Variants in EVL observed in about 807,000 individuals in gnomAD.
EVL encodes the protein Enah/Vasp-like.
EVL carries 21 observed loss-of-function variants against 59.6 expected under a neutral mutation model. That is an observed-to-expected ratio of 0.35 (90% CI 0.25 to 0.51). The LOEUF is 0.51. Ranked by LOEUF, EVL falls within the 20% of genes least tolerant of loss-of-function variation. The pLI, the probability that EVL is intolerant of heterozygous loss-of-function variation, is 0.97. For missense variants in EVL, 462 were observed against 546.6 expected, an observed-to-expected ratio of 0.85 and a Z score of 1.54; for synonymous variants, 198 against 203.5, an observed-to-expected ratio of 0.97 and a Z score of 0.23.
At chr14:100,042,498 G>A (rs890412486) in intron 1 of EVL, among the ~76,000 whole-genome samples, 3 of 152,140 alleles carry the variant, frequency 2.0e-5, no homozygotes. Context: ...ACTGACAAGC[G>A]CACAGTGGAG....
At chr14:100,032,601 G>A (rs2061330783) in intron 1 of EVL, among the ~76,000 whole-genome samples, 3 of 152,044 alleles carry the variant, frequency 2.0e-5, no homozygotes, top group South Asian at 4.2e-4. Context: ...GGCTCCTTCC[G>A]CTCCAAAAAA....
chr14:100,079,257 C>T (rs1802470920), intron 1 of EVL, among the ~76,000 whole-genome samples: 1 of 152,336 alleles, frequency 6.6e-6, no homozygotes, highest in East Asian at 1.9e-4. Flanking sequence ...GTGACAGATG[C>T]TTTTGCTTGG....
intron 3 of EVL, among the ~76,000 whole-genome samples, chr14:100,100,163 CGTT>C (rs907729303): frequency 3.9e-5 from 6 of 152,216 alleles, no homozygotes; most frequent in Non-Finnish European, 5.9e-5. Context: ...AACAACTTCT[CGTT>C]GTCAGATAGT....
chr14:100,132,800 A>G, intron 8 of EVL, 21 bp downstream of exon 8: 1 of 1,613,538 alleles, frequency 6.2e-7, no homozygotes, highest in Non-Finnish European at 8.5e-7. Context: ...AGCCCGCCCC[A>G]CCCTCAGGCT....
intron 1 of EVL, among the ~76,000 whole-genome samples, chr14:100,070,329 A>G (rs1455441895): frequency 6.6e-6 from 1 of 152,170 alleles, no homozygotes; most frequent in Non-Finnish European, 1.5e-5. Flanking sequence ...TTGTCACTTG[A>G]CGGAGCTTTT....
chr14:100,009,445 T>C (rs1382688011), intron 1 of EVL, among the ~76,000 whole-genome samples: 2 of 152,274 alleles, frequency 1.3e-5, no homozygotes, highest in East Asian at 1.9e-4. Context: ...AGAAATTGCC[T>C]TCCTTTCTTG....
At chr14:100,125,608 T>C (rs1409695478) in intron 4 of EVL, among the ~76,000 whole-genome samples, 1 of 150,200 alleles carries the variant, frequency 6.7e-6, no homozygotes, top group Non-Finnish European at 1.5e-5. Context: ...CGGGCTGGAG[T>C]GTAGTGACGC....
chr14:99,993,685 C>CTTTTTTTTTTTTTTTTT (rs532512303), intron 1 of EVL, among the ~76,000 whole-genome samples: 9 of 78,262 alleles, frequency 1.1e-4, no homozygotes, highest in Non-Finnish European at 1.4e-4. Context: ...TTCTTTCTTT[C>CTTTTTTTTTTTTTTTTT]TTTTTTTTTT....
intron 4 of EVL, among the ~76,000 whole-genome samples, chr14:100,125,169 T>TAC (rs34405834): frequency 0.031 from 3,239 of 103,108 alleles, 356 homozygotes; most frequent in African/African-American, 0.12. Context: ...AAGGCAGGAA[T>TAC]ACACACACAC....
intron 2 of EVL, among the ~76,000 whole-genome samples, chr14:100,089,839 T>C (rs1400183699): frequency 6.6e-6 from 1 of 152,116 alleles, no homozygotes; most frequent in African/African-American, 2.4e-5. Context: ...AGGCTGAAGC[T>C]GGAGGATCAC....
In EVL at chr14:100,077,976, C is replaced by T. The variant is rs576954725; in HGVS notation, c.12-6711C>T. Among the ~76,000 whole-genome samples the T allele has an allele frequency of 1.7e-4, 26 of 152,146 alleles. 1 individual carries two copies. The East Asian group carries it at 2.5e-3, about 15-fold the overall frequency. ...ATTTTTAGTAGAGATGGGGTTTCACCGGTTAGCCAGGATGGTCTCGATCTC... is the reference window on the plus strand; with the variant it reads ...ATTTTTAGTAGAGATGGGGTTTCACTGGTTAGCCAGGATGGTCTCGATCTC... On this transcript the variant is annotated intron_variant, in intron 1 of 13. Coordinates refer to ENST00000392920, the MANE Select transcript of EVL (RefSeq NM_016337.3).
At chr14:100,033,684 G>A (rs561953612) in intron 1 of EVL, among the ~76,000 whole-genome samples, 24 of 152,306 alleles carry the variant, frequency 1.6e-4, no homozygotes, top group African/African-American at 5.5e-4. Flanking sequence ...TACTTTATAT[G>A]CATAAGCATA....
chr14:100,040,508 T>C (rs1207953885), intron 1 of EVL, among the ~76,000 whole-genome samples: 3 of 152,150 alleles, frequency 2.0e-5, no homozygotes, highest in African/African-American at 4.8e-5. Context: ...AAAGCAGCCA[T>C]CTGGGCAGGA....
At chr14:100,143,063 AGAG>A (rs1889288495) in intron 13 of EVL, among the ~76,000 whole-genome samples, 1 of 152,132 alleles carries the variant, frequency 6.6e-6, no homozygotes, top group Non-Finnish European at 1.5e-5. Context: ...GAGTTGACAT[AGAG>A]GAGGGGGAGT....
At position 100,114,173 on chromosome 14, in the gene EVL, G is replaced by T. The variant is rs916006162; in HGVS notation, c.359-9366G>T. Among the ~76,000 whole-genome samples, 4 of 151,704 alleles carry T rather than the reference G, an allele frequency of 2.6e-5. No homozygotes were observed. The highest frequency in any genetic ancestry group is 9.7e-5 in the African/African-American group (4 of 41,306). ...AAGGAGCGAAGCGAAGGAGGGCCGG[G>T]GGGGAATCAAATGAGCCTTACTTCT... On this transcript the variant is annotated intron_variant, in intron 3 of 13. Transcript: ENST00000392920. The surrounding 1 kb of genome is among the most constrained non-coding windows in gnomAD (Gnocchi z 5.0).
Position 100,129,607 on chromosome 14 carries a change from G to T in EVL, c.762G>T (p.Lys254Asn). The T allele has an allele frequency of 1.2e-6, 2 of 1,613,664 alleles. No individual in the cohort carries two copies. Among genetic ancestry groups the T allele is most frequent in the Non-Finnish European group, 1.7e-6 (2 of 1,179,908 alleles). ...SGGSSPSGTS[K>N]SDANRASSGG... Reference sequence around the variant, plus strand: ...GCTCCAGTCCCAGTGGGACCTCAAAGTCCGATGCCAACCGGGCAAGCAGCG... The same window carrying T: ...GCTCCAGTCCCAGTGGGACCTCAAATTCCGATGCCAACCGGGCAAGCAGCG... The change falls in exon 7 of 14, where the codon AAG becomes AAT. Residue 254 changes from lysine to asparagine, a missense_variant. Coordinates refer to ENST00000392920, the MANE Select transcript of EVL (RefSeq NM_016337.3).
At chr14:100,126,139 C>G (rs1009226746) in intron 4 of EVL, among the ~76,000 whole-genome samples, 1 of 152,236 alleles carries the variant, frequency 6.6e-6, no homozygotes, top group Non-Finnish European at 1.5e-5. Context: ...CCTGAGGCCA[C>G]CCTGCCATAA....
At position 100,115,376 on chromosome 14, in the gene EVL, C is replaced by T. The variant is rs551460758; in HGVS notation, c.359-8163C>T. ...ACCCCTCTACACAAGGGGTGCTTCTCGCCGGTACATGCGCAGCACCAGGCC... is the reference window on the plus strand; with the variant it reads ...ACCCCTCTACACAAGGGGTGCTTCTTGCCGGTACATGCGCAGCACCAGGCC... On this transcript the variant is annotated intron_variant, in intron 3 of 13. Coordinates refer to ENST00000392920, the MANE Select transcript of EVL (RefSeq NM_016337.3). Among the ~76,000 whole-genome samples, 19 of 152,290 alleles carry T rather than the reference C, an allele frequency of 1.2e-4. No homozygotes were observed. The South Asian group carries it at 2.5e-3, about 20-fold the overall frequency.
At chr14:99,977,803 A>C (rs1225850256) in intron 1 of EVL, among the ~76,000 whole-genome samples, 1 of 151,920 alleles carries the variant, frequency 6.6e-6, no homozygotes, top group African/African-American at 2.4e-5. Context: ...GGATCTAAAA[A>C]AGTCATGGAT....
Sources: gnomAD v4.1 joint callset for allele counts (sites outside exome capture counted in the v4.1 genomes callset) on GRCh38, gnomAD v4.1.1 for gene constraint, Gnocchi (gnomAD v3.1) non-coding constraint, MANE v1.5 for transcripts, NCBI Gene and HGNC (gene_info 2026-07-23, HGNC 2026-07-21) for gene names.